The following TECTB variants were observed in gnomAD, a reference collection of about 807,000 sequenced individuals.
The protein encoded by TECTB is tectorin beta, also known as beta-tectorin.
Under a neutral mutation model 43.3 loss-of-function variants are expected in TECTB, and 45 were observed. That is an observed-to-expected ratio of 1.04 (90% CI 0.82 to 1.33). The LOEUF (loss-of-function observed/expected upper bound fraction) is 1.33, where lower values mean the gene tolerates loss of function less well. Among genes scored for constraint, TECTB ranks in the 40% most tolerant of loss-of-function variants. The pLI, the probability that TECTB is intolerant of heterozygous loss-of-function variation, is 0.00. For missense variants in TECTB, 399 were observed against 404.7 expected (o/e 0.99, Z 0.12); for synonymous variants, 169 against 156.7 (o/e 1.08, Z -0.59).
intron 1 of TECTB, 70 bp downstream of exon 1, chr10:112,283,566 T>A: frequency 1.6e-6 from 1 of 623,482 alleles, no homozygotes; most frequent in Admixed American, 3.2e-5. Context: ...ATCGTTTATC[T>A]CCCTTGAAAA....
At chr10:112,288,657 C>T (rs1012342053) in intron 5 of TECTB, among the ~76,000 whole-genome samples, 1 of 152,160 alleles carries the variant, frequency 6.6e-6, no homozygotes, top group African/African-American at 2.4e-5. Context: ...ACAACTGCTC[C>T]CTGCATATAT....
chr10:112,297,010 T>C (rs954655922), intron 7 of TECTB, among the ~76,000 whole-genome samples: 1 of 152,178 alleles, frequency 6.6e-6, no homozygotes, highest in Non-Finnish European at 1.5e-5. Context: ...TAGTGTGGGC[T>C]TCTCTGTACA....
In TECTB at chr10:112,298,126, C is replaced by T. The variant is rs1473620595; in HGVS notation, c.729C>T (p.Thr243=). Residue 243 remains threonine (T), a synonymous_variant, in exon 8 of 11, where the codon ACC becomes ACT. Coordinates refer to ENST00000646139, the MANE Select transcript of TECTB (RefSeq NM_058222.3). The stretch of plus-strand genomic sequence containing the variant: ...AGAATGGGAGAGATCACAGGGCAAC[C>T]TTCCAATTCAATGCTTTCCGGTTCC... ...VHENGRDHRA[T]FQFNAFRFQN... 1.2e-6 allele frequency: 2 copies of T among 1,614,218 alleles called. No homozygotes were observed. Among genetic ancestry groups the T allele is most frequent in the South Asian group, 2.2e-5 (2 of 91,090 alleles).
chr10:112,283,932 G>A, intron 2 of TECTB, 122 bp downstream of exon 2: 1 of 1,045,662 alleles, frequency 9.6e-7, no homozygotes, highest in Non-Finnish European at 1.4e-6. Flanking sequence ...AAGCAGGAAA[G>A]TACTTAAGCA....
chr10:112,294,587 T>C (rs895696538), intron 7 of TECTB, among the ~76,000 whole-genome samples: 3 of 152,198 alleles, frequency 2.0e-5, no homozygotes, highest in African/African-American at 4.8e-5. Context: ...ATTAAGTAGA[T>C]AACCGGGAGC....
At chr10:112,299,443 T>C (rs1848576676) in intron 8 of TECTB, 49 bp from the exon 9 acceptor site, 1 of 1,584,660 alleles carries the variant, frequency 6.3e-7, no homozygotes, top group African/African-American at 1.3e-5. Flanking sequence ...TGCTCACGCA[T>C]CATCCCACCT....
At chr10:112,302,990 T>C (rs1848625311) in intron 10 of TECTB, 1 of 460,528 alleles carries the variant, frequency 2.2e-6, no homozygotes, top group Non-Finnish European at 3.9e-6. Flanking sequence ...CAATCCTAGA[T>C]TCTCATCGTT....
At chr10:112,293,957 G>A (rs1415009156) in intron 6 of TECTB, 21 bp from the exon 7 acceptor site, 2 of 1,613,340 alleles carry the variant, frequency 1.2e-6, no homozygotes, top group Admixed American at 1.7e-5. Flanking sequence ...TCAAAGTGAT[G>A]CCATTTTGTT....
At chr10:112,297,983 CG>C in intron 7 of TECTB, 85 bp from the exon 8 acceptor site, 2 of 1,582,488 alleles carry the variant, frequency 1.3e-6, no homozygotes, top group Non-Finnish European at 1.7e-6. Flanking sequence ...ATAACCACCT[CG>C]GGAGCCTTGT....
In TECTB at chr10:112,295,589, C is replaced by T. The variant is rs115153018; in HGVS notation, c.671+1528C>T. Among the ~76,000 whole-genome samples, 731 of 152,354 alleles carry T rather than the reference C, an allele frequency of 4.8e-3. 10 individuals are homozygous for T. The highest frequency in any genetic ancestry group is 0.017 in the African/African-American group (688 of 41,590). On this transcript the variant is annotated intron_variant, in intron 7 of 10. Transcript: ENST00000646139. ...CCTCCTGTAGAGATGGCAGCTTAATCTGGGTGTTTACCTCACATCTGCCAT... is the reference window on the plus strand; with the variant it reads ...CCTCCTGTAGAGATGGCAGCTTAATTTGGGTGTTTACCTCACATCTGCCAT...
At chr10:112,285,047 A>G (rs1397742057) in intron 3 of TECTB, among the ~76,000 whole-genome samples, 1 of 152,120 alleles carries the variant, frequency 6.6e-6, no homozygotes, top group Non-Finnish European at 1.5e-5. Flanking sequence ...CCTAGATTGG[A>G]TGGGTGGATG....
chr10:112,296,414 A>G (rs1848547280), intron 7 of TECTB, among the ~76,000 whole-genome samples: 1 of 152,050 alleles, frequency 6.6e-6, no homozygotes, highest in African/African-American at 2.4e-5. Context: ...AGGCATCTAG[A>G]TCTGCCTATT....
At chr10:112,284,174 T>C (rs913246176) in intron 2 of TECTB, among the ~76,000 whole-genome samples, 3 of 152,194 alleles carry the variant, frequency 2.0e-5, no homozygotes, top group Admixed American at 1.3e-4. Context: ...ATGCATGAAA[T>C]TGACATTTAA....
intron 3 of TECTB, among the ~76,000 whole-genome samples, chr10:112,285,440 G>A (rs943263): frequency 0.091 from 13,868 of 152,172 alleles, 1,142 homozygotes; most frequent in African/African-American, 0.22. Context: ...TCTTTCTAAA[G>A]GCCTCACAAG....
intron 9 of TECTB, among the ~76,000 whole-genome samples, chr10:112,301,476 G>T (rs1490286802): frequency 4.6e-5 from 7 of 152,058 alleles, no homozygotes; most frequent in African/African-American, 1.7e-4. Context: ...TTAGAACACA[G>T]CAACACTCGT....
intron 10 of TECTB, 29 bp downstream of exon 10, chr10:112,302,162 C>T (rs758823012): frequency 1.4e-5 from 23 of 1,613,078 alleles, no homozygotes; most frequent in African/African-American, 1.1e-4. Flanking sequence ...TCTGGGATTT[C>T]GTGGGGCTAT....
chr10:112,284,915 T>C (rs1848441796), intron 3 of TECTB, among the ~76,000 whole-genome samples, 190 bp downstream of exon 3: 1 of 152,242 alleles, frequency 6.6e-6, no homozygotes, highest in Non-Finnish European at 1.5e-5. Flanking sequence ...TTTAGATAAC[T>C]CTTTTGGCTT....
Position 112,284,543 on chromosome 10 carries a change from CT to C in TECTB, c.87del (p.Val30CysfsTer43). 6.2e-7 allele frequency: 1 copy of C among 1,606,954 alleles called. No individual in the cohort carries two copies. The highest frequency in any genetic ancestry group is 8.5e-7 in the Non-Finnish European group (1 of 1,176,088). ...SCAPNKADVI[L>X]VFCYPKTIIT... ...ATGTGTGCTCTTTCCAGATGTCATTCTTGTGTTTTGCTATCCCAAAACCATC... is the reference window on the plus strand; with the variant it reads ...ATGTGTGCTCTTTCCAGATGTCATTCTGTGTTTTGCTATCCCAAAACCATC... On this transcript the variant is annotated frameshift_variant, in exon 3 of 11. Transcript: ENST00000646139. LOFTEE classifies it high-confidence loss of function.
chr10:112,303,037 A>AC, intron 10 of TECTB: 1 of 568,302 alleles, frequency 1.8e-6, no homozygotes, highest in East Asian at 2.8e-5. Context: ...AGTACCATGC[A>AC]CCATCACTGA....
Sources: gnomAD v4.1 joint callset for allele counts (sites outside exome capture counted in the v4.1 genomes callset) on GRCh38, gnomAD v4.1.1 for gene constraint, MANE v1.5 for transcripts, NCBI Gene and HGNC (gene_info 2026-07-23, HGNC 2026-07-21) for gene names.